Variants in SPATA17 observed in about 807,000 individuals in gnomAD.
SPATA17 encodes the protein spermatogenesis associated 17.
In SPATA17, 53 loss-of-function variants were observed where a neutral mutation model predicts 62.2. The ratio of observed to expected loss-of-function variants is 0.85; its 90% confidence interval spans 0.68 to 1.07. SPATA17 has a LOEUF of 1.07. Among genes scored for constraint, SPATA17 ranks in the 50% least tolerant of loss-of-function variants. The pLI is 0.00. For missense variants in SPATA17, 466 were observed against 425.5 expected (o/e 1.10, Z -0.84); for synonymous variants, 146 against 146.8 (o/e 0.99, Z 0.04).
At chr1:217,804,700 AAAT>A (rs761545210) in intron 9 of SPATA17, among the ~76,000 whole-genome samples, 6 of 152,236 alleles carry the variant, frequency 3.9e-5, no homozygotes, top group Non-Finnish European at 8.8e-5. Context: ...GCAAGAAAAC[AAAT>A]AACCTCTTTT....
Position 217,864,850 on chromosome 1 carries a change from T to C in SPATA17, c.*2+1994T>C, listed in dbSNP as rs550310642. Among the ~76,000 whole-genome samples the C allele has an allele frequency of 3.9e-5, 6 of 152,286 alleles. No individual in the cohort carries two copies. The South Asian group carries it at 6.2e-4, about 16-fold the overall frequency. ...TTTTTTCTGAATATGAAATAATTAC[T>C]TGCTAAATTATTTATACAGAAAGAC... On this transcript the variant is annotated intron_variant, in intron 10 of 10. Coordinates refer to ENST00000366933, the MANE Select transcript of SPATA17 (RefSeq NM_138796.4).
intron 4 of SPATA17, among the ~76,000 whole-genome samples, chr1:217,681,469 G>T (rs139425381): frequency 0.045 from 6,765 of 151,908 alleles, 229 homozygotes; most frequent in Middle Eastern, 0.1. Context: ...TGCCTCCCCG[G>T]TTCAAGCGAT....
At chr1:217,683,843 A>C (rs888089793) in intron 5 of SPATA17, among the ~76,000 whole-genome samples, 1 of 152,144 alleles carries the variant, frequency 6.6e-6, no homozygotes, top group South Asian at 2.1e-4. Flanking sequence ...TATTAAAAAA[A>C]TCTTGTATCC....
intron 6 of SPATA17, among the ~76,000 whole-genome samples, chr1:217,745,827 C>T (rs889610197): frequency 2.0e-5 from 3 of 151,968 alleles, no homozygotes; most frequent in Non-Finnish European, 4.4e-5. Flanking sequence ...CTTATACAGG[C>T]CATCTCACTG....
chr1:217,736,592 A>G (rs890654964), intron 5 of SPATA17, among the ~76,000 whole-genome samples: 1 of 152,196 alleles, frequency 6.6e-6, no homozygotes, highest in Non-Finnish European at 1.5e-5. Context: ...ATGGTTTGCT[A>G]GGAAATGAAA....
chr1:217,802,259 A>G (rs1674331219), intron 9 of SPATA17, among the ~76,000 whole-genome samples: 1 of 152,188 alleles, frequency 6.6e-6, no homozygotes, highest in Admixed American at 6.5e-5. Flanking sequence ...GACAAGCATT[A>G]TATAAAACAT....
At chr1:217,713,497 GA>G (rs754298306) in intron 5 of SPATA17, among the ~76,000 whole-genome samples, 1 of 152,168 alleles carries the variant, frequency 6.6e-6, no homozygotes, top group East Asian at 1.9e-4. Flanking sequence ...AAGAAGTATT[GA>G]GTTTCTCCAA....
chr1:217,798,899 G>C (rs1571812896), intron 8 of SPATA17, among the ~76,000 whole-genome samples: 1 of 148,238 alleles, frequency 6.7e-6, no homozygotes, highest in Non-Finnish European at 1.5e-5. Context: ...TTTCTGAGAC[G>C]GAGTCTCACT....
At chr1:217,862,632 T>G in intron 9 of SPATA17, 142 bp from the exon 10 acceptor site, 1 of 596,990 alleles carries the variant, frequency 1.7e-6, no homozygotes, top group Non-Finnish European at 2.9e-6. Context: ...TACCTGCTAA[T>G]TTTGTTTTGA....
intron 5 of SPATA17, among the ~76,000 whole-genome samples, chr1:217,698,611 TAACTC>T (rs1671518965): frequency 3.3e-5 from 5 of 151,860 alleles, no homozygotes; most frequent in Non-Finnish European, 5.9e-5. Context: ...AATTCTATGT[TAACTC>T]AATACCAACA....
intron 5 of SPATA17, among the ~76,000 whole-genome samples, chr1:217,713,027 A>C (rs2102928017): frequency 6.6e-6 from 1 of 152,172 alleles, no homozygotes; most frequent in East Asian, 1.9e-4. Flanking sequence ...AAATACCCCT[A>C]ATTTCTTCTT....
intron 6 of SPATA17, among the ~76,000 whole-genome samples, chr1:217,749,179 C>T (rs181461007): frequency 1.2e-4 from 18 of 152,300 alleles, no homozygotes; most frequent in Admixed American, 1.2e-3. Flanking sequence ...TTCTGGAGCA[C>T]ATATTTGGAC....
chr1:217,853,578 A>G (rs975032763), intron 9 of SPATA17, among the ~76,000 whole-genome samples: 2 of 152,148 alleles, frequency 1.3e-5, no homozygotes, highest in East Asian at 1.9e-4. Context: ...ATAGCAATCA[A>G]TTCTTGTTAT....
intron 1 of SPATA17, among the ~76,000 whole-genome samples, chr1:217,635,770 AC>A (rs1669922227): frequency 1.1e-5 from 1 of 88,730 alleles, no homozygotes; most frequent in Non-Finnish European, 2.5e-5. Context: ...GGTTATGATA[AC>A]GGGATTGGGG....
chr1:217,651,132 G>C lies in SPATA17; in HGVS notation c.194G>C (p.Trp65Ser). ...AGGATTGTAACAATTATTCAAAAAT[G>C]GTGGAGAAGTTTCTTAGGCAGAAAG... ...LNRIVTIIQK[W>S]WRSFLGRKQY... Residue 65 changes from tryptophan (W) to serine (S), a missense_variant, in exon 3 of 11, where the codon TGG becomes TCG. Coordinates refer to ENST00000366933, the MANE Select transcript of SPATA17 (RefSeq NM_138796.4). 6.2e-7 allele frequency: 1 copy of C among 1,609,584 alleles called. No individual in the cohort carries two copies. Among genetic ancestry groups the C allele is most frequent in the East Asian group, 2.2e-5 (1 of 44,650 alleles).
At chr1:217,822,698 T>C (rs1294958147) in intron 9 of SPATA17, among the ~76,000 whole-genome samples, 1 of 149,180 alleles carries the variant, frequency 6.7e-6, no homozygotes, top group East Asian at 1.9e-4. Context: ...TTTTTGCTGA[T>C]TTTTATATAC....
intron 8 of SPATA17, among the ~76,000 whole-genome samples, chr1:217,792,146 C>T (rs889403478): frequency 1.8e-4 from 28 of 152,068 alleles, no homozygotes; most frequent in African/African-American, 4.1e-4. Context: ...ATGTGGCCCA[C>T]GGCGCATGGG....
chr1:217,763,191 T>C (rs1482481761), intron 6 of SPATA17, among the ~76,000 whole-genome samples: 1 of 152,184 alleles, frequency 6.6e-6, no homozygotes, highest in East Asian at 1.9e-4. Context: ...CTTGGGGAGA[T>C]AGACATTATA....
intron 6 of SPATA17, among the ~76,000 whole-genome samples, chr1:217,768,223 G>T (rs980906177): frequency 6.6e-6 from 1 of 151,960 alleles, no homozygotes; most frequent in Non-Finnish European, 1.5e-5. Context: ...CCAGCCTGGC[G>T]ACAGAGCAAG....
Sources: allele counts gnomAD v4.1 joint callset (sites outside exome capture counted in the v4.1 genomes callset), GRCh38; gene constraint gnomAD v4.1.1; transcripts MANE v1.5; gene names NCBI Gene and HGNC (gene_info 2026-07-23, HGNC 2026-07-21).